The following MCHR2 variants were observed in gnomAD, a reference collection of about 807,000 sequenced individuals.
MCHR2 encodes melanin concentrating hormone receptor 2, also known as melanin-concentrating hormone receptor 2.
Under a neutral mutation model 24.8 loss-of-function variants are expected in MCHR2, and 15 were observed. That is an observed-to-expected ratio of 0.60 (90% confidence interval 0.40 to 0.93). MCHR2 has a LOEUF of 0.93. Ranked by LOEUF, MCHR2 falls within the 40% of genes least tolerant of loss-of-function variation. MCHR2 has a pLI of 0.00. For missense variants in MCHR2, 386 were observed against 408.7 expected, an observed-to-expected ratio of 0.94 and a Z score of 0.48; for synonymous variants, 151 against 147.6, an observed-to-expected ratio of 1.02 and a Z score of -0.17.
At chr6:99,970,124 G>A (rs1466635684) in intron 1 of MCHR2, among the ~76,000 whole-genome samples, 18 of 151,158 alleles carry the variant, frequency 1.2e-4, no homozygotes, top group African/African-American at 4.4e-4. Context: ...AGATCCCTGA[G>A]GAATCGCCAC....
intron 1 of MCHR2, among the ~76,000 whole-genome samples, chr6:99,993,049 A>C (rs1345956921): frequency 6.6e-6 from 1 of 152,234 alleles, no homozygotes; most frequent in African/African-American, 2.4e-5. Flanking sequence ...AGTTCTATGA[A>C]ATTAGAACTG....
intron 1 of MCHR2, among the ~76,000 whole-genome samples, chr6:99,958,246 T>C (rs1260134700): frequency 2.0e-5 from 3 of 151,940 alleles, no homozygotes. Flanking sequence ...AAGAATGGAC[T>C]CTTCCATAAA....
intron 2 of MCHR2, among the ~76,000 whole-genome samples, chr6:99,954,799 C>T (rs138825773): frequency 2.5e-4 from 38 of 152,244 alleles, no homozygotes; most frequent in East Asian, 5.8e-4. Context: ...GAGAGAGTGA[C>T]GCCTTTACTT....
At chr6:99,946,133 G>A (rs1774868562) in intron 3 of MCHR2, among the ~76,000 whole-genome samples, 1 of 151,808 alleles carries the variant, frequency 6.6e-6, no homozygotes, top group Non-Finnish European at 1.5e-5. Context: ...CTGTACTTTA[G>A]GTCACTTTTC....
intron 1 of MCHR2, among the ~76,000 whole-genome samples, chr6:99,957,297 C>T (rs1775083098): frequency 6.6e-6 from 1 of 151,992 alleles, no homozygotes; most frequent in African/African-American, 2.4e-5. Flanking sequence ...AAGAAAGTTC[C>T]CTCTATTCCC....
At chr6:99,970,398 G>C (rs1020951004) in intron 1 of MCHR2, among the ~76,000 whole-genome samples, 5 of 152,094 alleles carry the variant, frequency 3.3e-5, no homozygotes, top group African/African-American at 1.2e-4. Flanking sequence ...CCCACTTTTT[G>C]ATGGGGTTGT....
chr6:99,949,362 A>T (rs1774927474), intron 2 of MCHR2, among the ~76,000 whole-genome samples: 1 of 152,148 alleles, frequency 6.6e-6, no homozygotes, highest in South Asian at 2.1e-4. Context: ...TTTCCTGGGA[A>T]CTGTCAAGAC....
At chr6:99,978,511 C>T (rs1374074152) in intron 1 of MCHR2, among the ~76,000 whole-genome samples, 8 of 150,120 alleles carry the variant, frequency 5.3e-5, no homozygotes, top group African/African-American at 1.5e-4. Flanking sequence ...CTCCACCTCC[C>T]GGGTTCAAGT....
chr6:99,955,575 G>A (rs1415176874), intron 2 of MCHR2, among the ~76,000 whole-genome samples: 1 of 152,104 alleles, frequency 6.6e-6, no homozygotes, highest in South Asian at 2.1e-4. Flanking sequence ...ATGAAATGTT[G>A]CATTGCAGTT....
At chr6:99,944,381 T>C (rs192547008) in intron 3 of MCHR2, among the ~76,000 whole-genome samples, 143 of 152,290 alleles carry the variant, frequency 9.4e-4, no homozygotes, top group Non-Finnish European at 1.2e-3. Flanking sequence ...ATAGTATTAG[T>C]AGAAATTAAA....
In MCHR2 at chr6:99,927,887, G is replaced by C. The variant is rs185935952; in HGVS notation, c.707+6511C>G. Among the ~76,000 whole-genome samples, 393 of 152,220 alleles carry C rather than the reference G, an allele frequency of 2.6e-3. 2 individuals are homozygous for C. The highest frequency in any genetic ancestry group is 1.6e-3 in the Non-Finnish European group (109 of 68,028). ...TCCAACACTATGTTGAATAGGAGTG[G>C]TGAGAGAGGGCATCCCTGTCTTGTG... On this transcript the variant is annotated intron_variant, in intron 5 of 5. Transcript: ENST00000281806.
At chr6:99,987,532 C>A (rs1307684567) in intron 1 of MCHR2, among the ~76,000 whole-genome samples, 1 of 152,056 alleles carries the variant, frequency 6.6e-6, no homozygotes, top group Admixed American at 6.6e-5. Flanking sequence ...AGGAATTTGT[C>A]AAAAACTATA....
intron 1 of MCHR2, among the ~76,000 whole-genome samples, chr6:99,978,138 G>A (rs1441292114): frequency 6.6e-6 from 1 of 152,156 alleles, no homozygotes; most frequent in Non-Finnish European, 1.5e-5. Context: ...CAGAGACAAG[G>A]TAGGTTTCCA....
intron 2 of MCHR2, 44 bp from the exon 3 acceptor site, chr6:99,948,015 C>CAG: frequency 2.0e-6 from 3 of 1,531,922 alleles, no homozygotes; most frequent in Non-Finnish European, 2.7e-6. Context: ...TGAATGTATA[C>CAG]AGACTATTCG....
intron 5 of MCHR2, among the ~76,000 whole-genome samples, chr6:99,933,131 T>G (rs1011912731): frequency 6.6e-6 from 1 of 152,120 alleles, no homozygotes; most frequent in African/African-American, 2.4e-5. Flanking sequence ...CCCTGGGACA[T>G]GGGGGTAACA....
In MCHR2 at chr6:99,920,799, G is replaced by T. The variant is rs929605588; in HGVS notation, c.*141C>A. On this transcript the variant is annotated 3_prime_UTR_variant, in exon 6 of 6. Transcript: ENST00000281806. Reference sequence around the variant, plus strand: ...CATATTAAGCTCATTGTATTTGCATGGTTACACTTCTCTTCCATGCTGCTA... The same window carrying T: ...CATATTAAGCTCATTGTATTTGCATTGTTACACTTCTCTTCCATGCTGCTA... 4.6e-4 allele frequency: 362 copies of T among 788,342 alleles called. 2 individuals carry two copies. The East Asian group carries it at 8.9e-3, about 19-fold the overall frequency. 48.8% of individuals were successfully genotyped at this position (788,342 alleles called of 1,614,324 possible). A position where few individuals can be genotyped will look rare whatever the true frequency, so the allele number is the denominator to read the frequency against.
intron 5 of MCHR2, among the ~76,000 whole-genome samples, chr6:99,929,407 C>G (rs1395275382): frequency 6.6e-6 from 1 of 152,120 alleles, no homozygotes; most frequent in African/African-American, 2.4e-5. Flanking sequence ...AACTTTCTGT[C>G]TCATTGATCT....
At chr6:99,982,117 C>T (rs571636424) in intron 1 of MCHR2, among the ~76,000 whole-genome samples, 2 of 152,160 alleles carry the variant, frequency 1.3e-5, no homozygotes, top group South Asian at 4.2e-4. Flanking sequence ...GATGGAACAT[C>T]GGGTTTTCCT....
chr6:99,959,695 G>A (rs1286967841), intron 1 of MCHR2, among the ~76,000 whole-genome samples: 1 of 149,646 alleles, frequency 6.7e-6, no homozygotes, highest in African/African-American at 2.4e-5. Flanking sequence ...GCTGAGAAAT[G>A]CAACAATTGA....
Sources: gnomAD v4.1 joint callset for allele counts (sites outside exome capture counted in the v4.1 genomes callset) on GRCh38, gnomAD v4.1.1 for gene constraint, MANE v1.5 for transcripts, NCBI Gene and HGNC (gene_info 2026-07-23, HGNC 2026-07-21) for gene names.